Variants in SEMA6B observed in about 807,000 individuals in gnomAD.
SEMA6B encodes the protein semaphorin-6B.
In SEMA6B, 47 loss-of-function variants were observed where a neutral mutation model predicts 78.6. That is an observed-to-expected ratio of 0.60 (90% CI 0.47 to 0.76). The LOEUF (loss-of-function observed/expected upper bound fraction) is 0.76. SEMA6B is among the 30% of genes least tolerant of loss of function. The pLI is 0.00. For missense variants in SEMA6B, 1,213 were observed against 1,269.9 expected (o/e 0.96, Z 0.68); for synonymous variants, 632 against 592.2 (o/e 1.07, Z -0.98).
intron 9 of SEMA6B, among the ~76,000 whole-genome samples, chr19:4,553,448 GTGGATGGATGGA>G (rs763844125): frequency 6.9e-5 from 8 of 116,188 alleles, no homozygotes; most frequent in Non-Finnish European, 1.0e-4. Context: ...GGATGGGTGA[GTGGATGGATGGA>G]TGGATGGATG....
At chr19:4,547,968 C>T (rs2145347592) in intron 14 of SEMA6B, 59 bp downstream of exon 14, 2 of 1,485,332 alleles carry the variant, frequency 1.3e-6, no homozygotes, top group East Asian at 4.7e-5. Flanking sequence ...CCAGCTGTCC[C>T]TCCCTGTGCC....
Position 4,558,580 on chromosome 19 carries a change from C to G in SEMA6B, c.-32-91G>C. Reference sequence around the variant, plus strand: ...AGAGCAGCAGACGCTCCTTCAAATCCCAGAAAAATTCCTCACGGGGATAAT... The same window carrying G: ...AGAGCAGCAGACGCTCCTTCAAATCGCAGAAAAATTCCTCACGGGGATAAT... On this transcript the variant is annotated intron_variant, in intron 1 of 16. Coordinates refer to ENST00000586582, the MANE Select transcript of SEMA6B (RefSeq NM_032108.4). This position sits in a 1 kb window ranked among gnomAD's most constrained non-coding sequence, Gnocchi z 5.1. 1 of 725,536 alleles carries G rather than the reference C, an allele frequency of 1.4e-6. No homozygotes were observed. The highest frequency in any genetic ancestry group is 1.9e-6 in the Non-Finnish European group (1 of 525,800). 44.9% of individuals were successfully genotyped at this position (725,536 alleles called of 1,614,324 possible). A position where few individuals can be genotyped will look rare whatever the true frequency, so the allele number is the denominator to read the frequency against.
In SEMA6B at chr19:4,548,254, C is replaced by T. The variant is rs1977224144; in HGVS notation, c.1454+9G>A. 6.2e-7 allele frequency: 1 copy of T among 1,600,580 alleles called. No individual in the cohort carries two copies. Among genetic ancestry groups the T allele is most frequent in the East Asian group, 2.3e-5 (1 of 44,420 alleles). On this transcript the variant is annotated intron_variant, in intron 13 of 16. Coordinates refer to ENST00000586582, the MANE Select transcript of SEMA6B (RefSeq NM_032108.4). ...CTGGCGACCCCTTCCCACCTTTGCC[C>T]AGACTTACCTGTCCGGCCGGTAGGT...
rs938537042 is a variant in SEMA6B, at chr19:4,550,501, T to C, written c.1122-229A>G. On this transcript the variant is annotated intron_variant, in intron 11 of 16. Coordinates refer to ENST00000586582, the MANE Select transcript of SEMA6B (RefSeq NM_032108.4). This position sits in a 1 kb window ranked among gnomAD's most constrained non-coding sequence, Gnocchi z 6.6. ...GCTTCAGCCACCCGAGTGGCTGGGA[T>C]TACAGGCACGTGCCATCACGCCCGG... 1.3e-5 allele frequency among the ~76,000 whole-genome samples: 2 copies of C among 152,122 alleles called. No individual in the cohort carries two copies. The highest frequency in any genetic ancestry group is 2.4e-5 in the African/African-American group (1 of 41,438).
chr19:4,558,264 G>A lies in SEMA6B; in HGVS notation c.121+73C>T. The A allele has an allele frequency of 7.7e-7, 1 of 1,301,306 alleles. No homozygotes were observed. The highest frequency in any genetic ancestry group is 9.9e-7 in the Non-Finnish European group (1 of 1,013,698). 80.6% of individuals were successfully genotyped at this position (1,301,306 alleles called of 1,614,324 possible). A position where few individuals can be genotyped will look rare whatever the true frequency, so the allele number is the denominator to read the frequency against. On this transcript the variant is annotated intron_variant, in intron 2 of 16. Coordinates refer to ENST00000586582, the MANE Select transcript of SEMA6B (RefSeq NM_032108.4). This position sits in a 1 kb window ranked among gnomAD's most constrained non-coding sequence, Gnocchi z 5.1. Reference sequence around the variant, plus strand: ...GGACTGCTTGAGTCCCCCAGTGGGGGCAGCAGACCCAACTGGGAACCCAGA... The same window carrying A: ...GGACTGCTTGAGTCCCCCAGTGGGGACAGCAGACCCAACTGGGAACCCAGA...
In SEMA6B at chr19:4,542,912, G is replaced by C. The variant is rs911996832; in HGVS notation, c.*689C>G. 4.3e-6 allele frequency: 3 copies of C among 701,190 alleles called. No individual in the cohort carries two copies. The highest frequency in any genetic ancestry group is 4.0e-5 in the Admixed American group (2 of 49,998). The allele number at this position is 701,190 out of a possible 1,614,324, so 43.4% of individuals were successfully genotyped here. ...CGCTTCCCTCTGCAGAGTGGGGGGGGTTCAAACTCCTAACCGGCACCTCGG... is the reference window on the plus strand; with the variant it reads ...CGCTTCCCTCTGCAGAGTGGGGGGGCTTCAAACTCCTAACCGGCACCTCGG... On this transcript the variant is annotated 3_prime_UTR_variant, in exon 17 of 17. Coordinates refer to ENST00000586582, the MANE Select transcript of SEMA6B (RefSeq NM_032108.4).
intron 8 of SEMA6B, among the ~76,000 whole-genome samples, chr19:4,554,749 T>C (rs1977424028): frequency 6.6e-6 from 1 of 152,214 alleles, no homozygotes; most frequent in Admixed American, 6.5e-5. Flanking sequence ...TTTTCTGTGG[T>C]TCCATTTTGG....
Position 4,555,672 on chromosome 19 carries a change from T to G in SEMA6B, c.472-108A>C. The stretch of plus-strand genomic sequence containing the variant: ...GGAATCCTGATCCACCACGGATTAC[T>G]GTGTGACCTTGGCCACTCACTTAAC... On this transcript the variant is annotated intron_variant, in intron 6 of 16. Coordinates refer to ENST00000586582, the MANE Select transcript of SEMA6B (RefSeq NM_032108.4). This position sits in a 1 kb window ranked among gnomAD's most constrained non-coding sequence, Gnocchi z 6.1. 1 of 903,090 alleles carries G rather than the reference T, an allele frequency of 1.1e-6. No individual in the cohort carries two copies. The highest frequency in any genetic ancestry group is 1.7e-6 in the Non-Finnish European group (1 of 577,032). 55.9% of individuals were successfully genotyped at this position (903,090 alleles called of 1,614,324 possible).
chr19:4,550,035 C>T lies in SEMA6B; in HGVS notation c.1271+88G>A. Reference sequence around the variant, plus strand: ...TCTGGGCAGCGCCGGAAGCCATGGGCTCATCTGTGTTGAGCATCTGGATCC... The same window carrying T: ...TCTGGGCAGCGCCGGAAGCCATGGGTTCATCTGTGTTGAGCATCTGGATCC... On this transcript the variant is annotated intron_variant, in intron 12 of 16. Transcript: ENST00000586582. The surrounding 1 kb of genome is among the most constrained non-coding windows in gnomAD (Gnocchi z 6.6). 7.3e-7 allele frequency: 1 copy of T among 1,360,972 alleles called. No homozygotes were observed. Among genetic ancestry groups the T allele is most frequent in the Admixed American group, 2.0e-5 (1 of 51,278 alleles). The allele number at this position is 1,360,972 out of a possible 1,614,324, so 84.3% of individuals were successfully genotyped here.
chr19:4,546,728 G>A (rs998353672), intron 14 of SEMA6B, among the ~76,000 whole-genome samples: 12 of 151,834 alleles, frequency 7.9e-5, no homozygotes, highest in Non-Finnish European at 1.5e-4. Flanking sequence ...GGGTTCAAGC[G>A]ATTCTCCTGC....
chr19:4,557,903 C>G, intron 3 of SEMA6B, 123 bp downstream of exon 3: 2 of 852,930 alleles, frequency 2.3e-6, no homozygotes, highest in Non-Finnish European at 1.6e-6. Flanking sequence ...AGCCTAAGTC[C>G]TCCCAATGGC....
Position 4,558,570 on chromosome 19 carries a change from C to T in SEMA6B, c.-32-81G>A. 1 of 846,242 alleles carries T rather than the reference C, an allele frequency of 1.2e-6. No individual in the cohort carries two copies. The allele number at this position is 846,242 out of a possible 1,614,324, so 52.4% of individuals were successfully genotyped here. A position where few individuals can be genotyped will look rare whatever the true frequency, so the allele number is the denominator to read the frequency against. On this transcript the variant is annotated intron_variant, in intron 1 of 16. Transcript: ENST00000586582. This position sits in a 1 kb window ranked among gnomAD's most constrained non-coding sequence, Gnocchi z 5.1. ...ACGGCGGGCGAGAGCAGCAGACGCT[C>T]CTTCAAATCCCAGAAAAATTCCTCA...
In SEMA6B at chr19:4,552,124, T is replaced by A. The variant is rs1977349273; in HGVS notation, c.989+298A>T. Among the ~76,000 whole-genome samples the A allele has an allele frequency of 6.6e-6, 1 of 152,052 alleles. No individual in the cohort carries two copies. Among genetic ancestry groups the A allele is most frequent in the Non-Finnish European group, 1.5e-5 (1 of 68,014 alleles). On this transcript the variant is annotated intron_variant, in intron 10 of 16. Coordinates refer to ENST00000586582, the MANE Select transcript of SEMA6B (RefSeq NM_032108.4). This position sits in a 1 kb window ranked among gnomAD's most constrained non-coding sequence, Gnocchi z 7.4. ...CTGTTTCTCCAACTTTGAACACCCTTCCCTCTTCCTCCATCTCACACCCAA... is the reference window on the plus strand; with the variant it reads ...CTGTTTCTCCAACTTTGAACACCCTACCCTCTTCCTCCATCTCACACCCAA...
Position 4,556,054 on chromosome 19 carries a change from A to T in SEMA6B, c.405T>A (p.Leu135=). Residue 135 remains leucine (L), a synonymous_variant, in exon 6 of 17, where the codon CTT becomes CTA. Transcript: ENST00000586582. The stretch of plus-strand genomic sequence containing the variant: ...ACACAAAGAGCGTGGACTCGTCCCG[A>T]AGGAGCAGCACCTTTACGAAGTTTC... ...ECRNFVKVLL[L]RDESTLFVCG... 1.2e-6 allele frequency: 2 copies of T among 1,614,114 alleles called. No individual in the cohort carries two copies. Among genetic ancestry groups the T allele is most frequent in the Non-Finnish European group, 1.7e-6 (2 of 1,180,008 alleles).
chr19:4,549,910 G>T (rs4807603), intron 12 of SEMA6B, among the ~76,000 whole-genome samples: 62,709 of 151,718 alleles, frequency 0.41, 14,373 homozygotes, highest in East Asian at 0.78. Context: ...ACCGTGCCCA[G>T]CCCCATCTGT....
At position 4,550,362 on chromosome 19, in the gene SEMA6B, G is replaced by T; in HGVS notation, c.1122-90C>A. 2 of 1,387,460 alleles carry T rather than the reference G, an allele frequency of 1.4e-6. No homozygotes were observed. Among genetic ancestry groups the T allele is most frequent in the South Asian group, 2.4e-5 (2 of 83,280 alleles). The allele number at this position is 1,387,460 out of a possible 1,614,324, so 85.9% of individuals were successfully genotyped here. On this transcript the variant is annotated intron_variant, in intron 11 of 16. Transcript: ENST00000586582. This position sits in a 1 kb window ranked among gnomAD's most constrained non-coding sequence, Gnocchi z 6.6. Reference sequence around the variant, plus strand: ...AGAGGTACCCATTGCTTTGCCCAACGACCCTCAGGTTTTTTGTTTGTTTTG... The same window carrying T: ...AGAGGTACCCATTGCTTTGCCCAACTACCCTCAGGTTTTTTGTTTGTTTTG...
chr19:4,546,877 A>G (rs1977182569), intron 14 of SEMA6B, among the ~76,000 whole-genome samples: 1 of 152,026 alleles, frequency 6.6e-6, no homozygotes, highest in Non-Finnish European at 1.5e-5. Flanking sequence ...CGGACTCCCA[A>G]AGTGGTGGGA....
rs7249087 is a variant in SEMA6B at position 4,559,634 on chromosome 19, G to A, written c.-137C>T. The A allele has an allele frequency of 0.18, 28,080 of 152,216 alleles. 2,935 individuals are homozygous for A. Among genetic ancestry groups the A allele is most frequent in the Admixed American group, 0.23 (3,565 of 15,272 alleles). 9.4% of individuals were successfully genotyped at this position (152,216 alleles called of 1,614,324 possible). On this transcript the variant is annotated 5_prime_UTR_variant, in exon 1 of 17. Coordinates refer to ENST00000586582, the MANE Select transcript of SEMA6B (RefSeq NM_032108.4). ...GCTCCGAGCCCATTTTCCTGTCTGAGCAGCAGGGGTATCCCCCAGCCCTGC... is the reference window on the plus strand; with the variant it reads ...GCTCCGAGCCCATTTTCCTGTCTGAACAGCAGGGGTATCCCCCAGCCCTGC...
In SEMA6B at chr19:4,550,956, G is replaced by C. The variant is rs1418708615; in HGVS notation, c.990-26C>G. On this transcript the variant is annotated intron_variant, in intron 10 of 16. Transcript: ENST00000586582. The surrounding 1 kb of genome is among the most constrained non-coding windows in gnomAD (Gnocchi z 6.6). Reference sequence around the variant, plus strand: ...CTGAGGGGTTGGGATGAAAGAGTTTGGTGAGCCCGGTGGGAGGCCCCATCT... The same window carrying C: ...CTGAGGGGTTGGGATGAAAGAGTTTCGTGAGCCCGGTGGGAGGCCCCATCT... 6.2e-7 allele frequency: 1 copy of C among 1,612,294 alleles called. No homozygotes were observed. The highest frequency in any genetic ancestry group is 1.3e-5 in the African/African-American group (1 of 74,910).
Sources: allele counts gnomAD v4.1 joint callset (sites outside exome capture counted in the v4.1 genomes callset), GRCh38; gene constraint gnomAD v4.1.1; non-coding constraint Gnocchi (gnomAD v3.1); transcripts MANE v1.5; gene names NCBI Gene and HGNC (gene_info 2026-07-23, HGNC 2026-07-21).